The following PAX5 variants were observed in gnomAD, a reference collection of about 807,000 sequenced individuals.
The protein encoded by PAX5 is paired box protein Pax-5.
PAX5 carries 9 observed loss-of-function variants against 43.7 expected under a neutral mutation model. That is an observed-to-expected ratio of 0.21 (90% CI 0.12 to 0.36). The LOEUF is 0.36. PAX5 is among the 10% of genes least tolerant of loss of function. PAX5 has a pLI of 1.00. For missense variants in PAX5, 383 were observed against 532.7 expected, an observed-to-expected ratio of 0.72 and a Z score of 2.77; for synonymous variants, 228 against 214.3, an observed-to-expected ratio of 1.06 and a Z score of -0.56.
intron 6 of PAX5, among the ~76,000 whole-genome samples, chr9:36,960,798 C>T (rs1301327956): frequency 1.3e-5 from 2 of 152,324 alleles, no homozygotes; most frequent in Admixed American, 1.3e-4. Context: ...CCATCCAGGC[C>T]CCCTTGCAGC....
chr9:36,845,112 G>T (rs1477912300), intron 9 of PAX5, among the ~76,000 whole-genome samples: 1 of 152,210 alleles, frequency 6.6e-6, no homozygotes, highest in Non-Finnish European at 1.5e-5. Context: ...GCAGCCCTGG[G>T]CCACTATGGC....
chr9:37,026,590 C>G, intron 1 of PAX5: 1 of 1,347,852 alleles, frequency 7.4e-7, no homozygotes, highest in Non-Finnish European at 9.8e-7. Context: ...GCGCTCCAGA[C>G]TGCAGGCCGG....
intron 1 of PAX5, among the ~76,000 whole-genome samples, chr9:37,025,902 C>T (rs944928650): frequency 2.0e-5 from 3 of 152,168 alleles, no homozygotes; most frequent in African/African-American, 7.2e-5. Flanking sequence ...GAGAAGGACC[C>T]AATGGGGTCT....
At chr9:37,002,501 C>T (rs1837971519) in intron 5 of PAX5, 147 bp downstream of exon 5, 2 of 824,354 alleles carry the variant, frequency 2.4e-6, no homozygotes, top group Non-Finnish European at 3.7e-6. Flanking sequence ...CCCGTGTTCA[C>T]GAAAAGGACA....
chr9:36,857,833 G>A (rs1445372398), intron 8 of PAX5, among the ~76,000 whole-genome samples: 1 of 152,258 alleles, frequency 6.6e-6, no homozygotes, highest in Admixed American at 6.5e-5. Context: ...CAAGGCAGCT[G>A]AGAATGTAGG....
At chr9:36,942,101 G>A (rs1228052112) in intron 6 of PAX5, among the ~76,000 whole-genome samples, 1 of 152,220 alleles carries the variant, frequency 6.6e-6, no homozygotes, top group East Asian at 1.9e-4. Flanking sequence ...ATGAACTCGT[G>A]TGCCCACCTG....
chr9:36,940,197 G>A (rs1169809917), intron 6 of PAX5, among the ~76,000 whole-genome samples: 3 of 152,150 alleles, frequency 2.0e-5, no homozygotes, highest in Non-Finnish European at 2.9e-5. Flanking sequence ...CCCATTACTG[G>A]GAGTAAGTAC....
Position 36,927,649 on chromosome 9 carries a change from C to T in PAX5, c.781-4165G>A, listed in dbSNP as rs114316402. On this transcript the variant is annotated intron_variant, in intron 6 of 9. Transcript: ENST00000358127. ...CTATAAGCCAGGCCCTGGGGGACGGCGGGACACTTGGAAACGAGTCCTTAG... is the reference window on the plus strand; with the variant it reads ...CTATAAGCCAGGCCCTGGGGGACGGTGGGACACTTGGAAACGAGTCCTTAG... 2.7e-3 allele frequency among the ~76,000 whole-genome samples: 411 copies of T among 152,120 alleles called. 2 individuals carry two copies. Among genetic ancestry groups the T allele is most frequent in the African/African-American group, 9.2e-3 (382 of 41,508 alleles).
intron 5 of PAX5, among the ~76,000 whole-genome samples, chr9:36,999,017 G>A (rs765994981): frequency 6.6e-6 from 1 of 152,040 alleles, no homozygotes; most frequent in South Asian, 2.1e-4. Flanking sequence ...ATAGTGCAGG[G>A]CTAGTCACTG....
chr9:37,002,823 G>A (rs376390452), intron 4 of PAX5, 47 bp from the exon 5 acceptor site: 30 of 1,568,178 alleles, frequency 1.9e-5, no homozygotes, highest in African/African-American at 1.2e-4. Context: ...GGCTGAGGGC[G>A]GCGGACCGGC....
Position 37,034,218 on chromosome 9 carries a change from TTTTAGGTGGAAAAAA to T in PAX5, c.-202_-188del. On this transcript the variant is annotated 5_prime_UTR_variant, in exon 1 of 10. Transcript: ENST00000358127. ...CTGATCACTGAGCTGAAACTAAACGTTTTAGGTGGAAAAAAAGCGTCCGAAGGCACCGTGAAATGA... is the reference window on the plus strand; with the variant it reads ...CTGATCACTGAGCTGAAACTAAACGTAGCGTCCGAAGGCACCGTGAAATGA... 1.7e-6 allele frequency: 1 copy of T among 580,320 alleles called. No homozygotes were observed. The highest frequency in any genetic ancestry group is 3.1e-5 in the Admixed American group (1 of 32,242). 35.9% of individuals were successfully genotyped at this position (580,320 alleles called of 1,614,324 possible).
At chr9:37,014,889 G>T (rs1020770319) in intron 3 of PAX5, 108 bp downstream of exon 3, 2 of 999,226 alleles carry the variant, frequency 2.0e-6, no homozygotes, top group Non-Finnish European at 3.1e-6. Context: ...CCCCTAAGGG[G>T]CCTTGGTGAA....
intron 8 of PAX5, among the ~76,000 whole-genome samples, chr9:36,867,008 G>A (rs1007381064): frequency 1.7e-4 from 25 of 143,170 alleles, no homozygotes; most frequent in African/African-American, 4.9e-4. Context: ...TGTCTTTGCC[G>A]CTGCCCCCAG....
intron 9 of PAX5, among the ~76,000 whole-genome samples, chr9:36,842,654 T>G (rs951534909): frequency 1.2e-4 from 19 of 152,194 alleles, no homozygotes; most frequent in Non-Finnish European, 7.3e-5. Flanking sequence ...TAATTCACAT[T>G]ATGGTCAATT....
chr9:36,966,795 C>T, intron 5 of PAX5, 71 bp from the exon 6 acceptor site: 8 of 1,431,114 alleles, frequency 5.6e-6, no homozygotes, highest in Admixed American at 1.8e-5. Context: ...AGGTCAGACC[C>T]TGAGACTATG....
intron 2 of PAX5, among the ~76,000 whole-genome samples, chr9:37,018,169 G>C (rs566100706): frequency 2.0e-5 from 3 of 152,200 alleles, no homozygotes; most frequent in Non-Finnish European, 2.9e-5. Flanking sequence ...AAATACAGAC[G>C]GTTGAGAATA....
chr9:36,863,360 C>G (rs1336032351), intron 8 of PAX5, among the ~76,000 whole-genome samples: 1 of 152,258 alleles, frequency 6.6e-6, no homozygotes, highest in African/African-American at 2.4e-5. Flanking sequence ...AACTCCTGGT[C>G]TCACACGAGC....
intron 4 of PAX5, among the ~76,000 whole-genome samples, chr9:37,003,024 C>T (rs372441021): frequency 1.9e-4 from 29 of 152,222 alleles, no homozygotes; most frequent in African/African-American, 7.0e-4. Context: ...GGACTGACCC[C>T]TGCAGAAAGG....
intron 4 of PAX5, among the ~76,000 whole-genome samples, chr9:37,003,154 T>TAAAAAAAAAAAAAAAAAAA (rs67081521): frequency 2.6e-5 from 2 of 75,830 alleles, no homozygotes; most frequent in African/African-American, 1.1e-4. Context: ...AGTCAGTGCT[T>TAAAAAAAAAAAAAAAAAAA]AAAAAAAAAA....
Sources: gnomAD v4.1 joint callset for allele counts (sites outside exome capture counted in the v4.1 genomes callset) on GRCh38, gnomAD v4.1.1 for gene constraint, MANE v1.5 for transcripts, NCBI Gene and HGNC (gene_info 2026-07-23, HGNC 2026-07-21) for gene names.